Variants in KDM1B observed in about 807,000 individuals in gnomAD.
The protein encoded by KDM1B is lysine demethylase 1B.
KDM1B carries 63 observed loss-of-function variants against 107.4 expected under a neutral mutation model. The observed-to-expected ratio is 0.59, with a 90% CI of 0.48 to 0.72. The LOEUF (loss-of-function observed/expected upper bound fraction) is 0.72. Ranked by LOEUF, KDM1B falls within the 30% of genes least tolerant of loss-of-function variation. The probability of loss-of-function intolerance (pLI) is 0.00; values close to 1 mark genes in which losing one functional copy is unlikely to be tolerated. For missense variants in KDM1B, 749 were observed against 1,020.8 expected, an observed-to-expected ratio of 0.73 and a Z score of 3.63; for synonymous variants, 363 against 363.9, an observed-to-expected ratio of 1.00 and a Z score of 0.03.
In KDM1B at chr6:18,217,901, C is replaced by G; in HGVS notation, c.2385+16C>G. 1 of 1,600,862 alleles carries G rather than the reference C, an allele frequency of 6.2e-7. No homozygotes were observed. Among genetic ancestry groups the G allele is most frequent in the South Asian group, 1.1e-5 (1 of 89,196 alleles). The stretch of plus-strand genomic sequence containing the variant: ...CGCTGGTGAGGTATGGATCTTGATT[C>G]CAAACCCAATTATTTGTATTTTGAT... On this transcript the variant is annotated intron_variant, in intron 21 of 21. Transcript: ENST00000650836.
Position 18,197,192 on chromosome 6 carries a change from G to A in KDM1B, c.1105G>A (p.Val369Met), listed in dbSNP as rs750152791. The A allele has an allele frequency of 1.1e-5, 18 of 1,614,022 alleles. No homozygotes were observed. The highest frequency in any genetic ancestry group is 2.7e-5 in the African/African-American group (2 of 74,926). ...TCTCATCAACACTGGAGTTCTCAGC[G>A]TGGGAGCCGACCAGTATCTTCTCCC... The part of the protein sequence containing the change: ...KGLINTGVLS[V>M]GADQYLLPKD... The change falls in exon 11 of 22, where the codon GTG becomes ATG. Residue 369 changes from valine (V) to methionine (M), a missense_variant. Physicochemically the swap from Val to Met is conservative, Grantham distance 21 (BLOSUM62 1). Transcript: ENST00000650836. The surrounding 1 kb of genome is among the most constrained non-coding windows in gnomAD (Gnocchi z 4.5).
At position 18,207,497 on chromosome 6, in the gene KDM1B, G is replaced by A; in HGVS notation, c.1759G>A (p.Ala587Thr). The change falls in exon 16 of 22, where the codon GCA (alanine) becomes ACA (threonine). Residue 587 changes from alanine to threonine, a missense_variant. Physicochemically the swap from Ala to Thr is moderately conservative, Grantham distance 58. Coordinates refer to ENST00000650836, the MANE Select transcript of KDM1B (RefSeq NM_001364614.2). ...GTACTCGGTGATAATTGAAAAACTG[G>A]CAGAAGGGCTTGACATTCAACTCAA... Reference protein sequence around the residue: ...PGYSVIIEKLAEGLDIQLKSP... With the variant: ...PGYSVIIEKLTEGLDIQLKSP... The A allele has an allele frequency of 6.2e-7, 1 of 1,614,220 alleles. No individual in the cohort carries two copies. Among genetic ancestry groups the A allele is most frequent in the Non-Finnish European group, 8.5e-7 (1 of 1,180,038 alleles).
At chr6:18,158,037 T>C (rs1229350590) in intron 2 of KDM1B, among the ~76,000 whole-genome samples, 6 of 151,984 alleles carry the variant, frequency 3.9e-5, no homozygotes, top group Non-Finnish European at 8.8e-5. Context: ...ATGGTCTCGA[T>C]CTCCTGATGT....
intron 7 of KDM1B, among the ~76,000 whole-genome samples, chr6:18,180,740 A>AT (rs1786405465): frequency 6.6e-6 from 1 of 152,068 alleles, no homozygotes; most frequent in Non-Finnish European, 1.5e-5. Context: ...TAATTTGTGT[A>AT]TTTTTAGTAG....
chr6:18,201,997 G>A lies in KDM1B; in HGVS notation c.1531+340G>A, dbSNP rs1006064228. Among the ~76,000 whole-genome samples, 2 of 152,144 alleles carry A rather than the reference G, an allele frequency of 1.3e-5. No individual in the cohort carries two copies. Among genetic ancestry groups the A allele is most frequent in the African/African-American group, 2.4e-5 (1 of 41,418 alleles). On this transcript the variant is annotated intron_variant, in intron 14 of 21. Transcript: ENST00000650836. This position sits in a 1 kb window ranked among gnomAD's most constrained non-coding sequence, Gnocchi z 4.3. ...GCCCTGTGTGATAAATCATCACCCT[G>A]TAATGTCTTTTCTAGGTAAGGGTTT...
rs191013936 is a variant in KDM1B, at chr6:18,218,773, T to G, written c.2385+888T>G. On this transcript the variant is annotated intron_variant, in intron 21 of 21. Transcript: ENST00000650836. ...TGAGCTGGCCAGCTAGCTCCAGTCC[T>G]TGAAATGTCCCCTTCCTGAGTCCTC... is the stretch of plus-strand genomic sequence containing the variant. Among the ~76,000 whole-genome samples the G allele has an allele frequency of 2.7e-3, 416 of 152,312 alleles. 9 individuals carry two copies. Among genetic ancestry groups the G allele is most frequent in the Admixed American group, 0.024 (360 of 15,302 alleles).
chr6:18,168,469 C>T (rs548208657), intron 6 of KDM1B, among the ~76,000 whole-genome samples: 2 of 152,102 alleles, frequency 1.3e-5, no homozygotes. Flanking sequence ...GAATAATACT[C>T]CATTGAATGG....
chr6:18,189,140 A>G (rs1787103022), intron 9 of KDM1B, among the ~76,000 whole-genome samples: 1 of 152,158 alleles, frequency 6.6e-6, no homozygotes, highest in Non-Finnish European at 1.5e-5. Flanking sequence ...TTGGTGTAAG[A>G]AGCAAGAATT....
At chr6:18,202,578 C>T (rs1788109637) in intron 14 of KDM1B, among the ~76,000 whole-genome samples, 1 of 152,070 alleles carries the variant, frequency 6.6e-6, no homozygotes, top group South Asian at 2.1e-4. Flanking sequence ...AATTTTGTGA[C>T]CTGAATGTAT....
At position 18,211,692 on chromosome 6, in the gene KDM1B, A is replaced by G. The variant is rs1482889826; in HGVS notation, c.1867-796A>G. On this transcript the variant is annotated intron_variant, in intron 17 of 21. Coordinates refer to ENST00000650836, the MANE Select transcript of KDM1B (RefSeq NM_001364614.2). This position sits in a 1 kb window ranked among gnomAD's most constrained non-coding sequence, Gnocchi z 5.2. ...ACGATAATGGGGTCTGGAGCCAGAA[A>G]TGTCCAATTCCCAATGTTTGTGATG... 6.6e-6 allele frequency: 1 copy of G among 152,254 alleles called. No individual in the cohort carries two copies. Among genetic ancestry groups the G allele is most frequent in the African/African-American group, 2.4e-5 (1 of 41,452 alleles). The allele number at this position is 152,254 out of a possible 1,614,324, so 9.4% of individuals were successfully genotyped here. A position where few individuals can be genotyped will look rare whatever the true frequency, so the allele number is the denominator to read the frequency against.
intron 7 of KDM1B, among the ~76,000 whole-genome samples, chr6:18,180,038 ATT>A (rs111745055): frequency 0.023 from 2,747 of 121,814 alleles, 89 homozygotes; most frequent in African/African-American, 0.076. Flanking sequence ...TAATTTTTGT[ATT>A]TTTTTTTTTT....
rs575455793 is a variant in KDM1B at position 18,166,926 on chromosome 6, C to T, written c.417+548C>T. On this transcript the variant is annotated intron_variant, in intron 6 of 21. Transcript: ENST00000650836. ...CCAGCTGGTGATAGTCATTGCTGAGCTTGGTACATAGCTTTTTGATCCTTT... is the reference window on the plus strand; with the variant it reads ...CCAGCTGGTGATAGTCATTGCTGAGTTTGGTACATAGCTTTTTGATCCTTT... Among the ~76,000 whole-genome samples, 3 of 151,898 alleles carry T rather than the reference C, an allele frequency of 2.0e-5. No homozygotes were observed. In the East Asian group the frequency reaches 5.8e-4, roughly 29 times the overall value.
rs533016543 is a variant in KDM1B at position 18,210,342 on chromosome 6, C to CTTTTTTTTTTTTT, written c.1867-2128_1867-2116dup. On this transcript the variant is annotated intron_variant, in intron 17 of 21. Coordinates refer to ENST00000650836, the MANE Select transcript of KDM1B (RefSeq NM_001364614.2). ...TCTTTCTTTTTTTTCTCTTTCTTTT[C>CTTTTTTTTTTTTT]TTTTTTTTTTTTTTTTTTTTTTTTT... 9.1e-3 allele frequency among the ~76,000 whole-genome samples: 636 copies of CTTTTTTTTTTTTT among 69,676 alleles called. 31 individuals carry two copies. Among genetic ancestry groups the CTTTTTTTTTTTTT allele is most frequent in the Non-Finnish European group, 0.013 (430 of 33,776 alleles). The allele number at this position is 69,676 out of a possible 152,430, so 45.7% of individuals were successfully genotyped here.
chr6:18,208,998 A>G (rs1216807828), intron 17 of KDM1B, among the ~76,000 whole-genome samples: 3 of 152,026 alleles, frequency 2.0e-5, no homozygotes, highest in Non-Finnish European at 4.4e-5. Flanking sequence ...TGCATTAAAG[A>G]AATCTATTTT....
intron 10 of KDM1B, among the ~76,000 whole-genome samples, chr6:18,194,935 G>C (rs955797259): frequency 6.6e-6 from 1 of 152,138 alleles, no homozygotes; most frequent in Admixed American, 6.5e-5. Flanking sequence ...CAATTAAACA[G>C]TCTCTTCTCA....
At chr6:18,175,549 C>G (rs1189001682) in intron 7 of KDM1B, among the ~76,000 whole-genome samples, 1 of 152,082 alleles carries the variant, frequency 6.6e-6, no homozygotes, top group Non-Finnish European at 1.5e-5. Context: ...AAATCCTTGC[C>G]TAAGCAAGTG....
intron 21 of KDM1B, among the ~76,000 whole-genome samples, chr6:18,220,344 T>C (rs1471339546): frequency 6.6e-6 from 1 of 151,952 alleles, no homozygotes; most frequent in East Asian, 1.9e-4. Flanking sequence ...AGGCCAGGAG[T>C]TTGAGACCAG....
rs565190132 is a variant in KDM1B, at chr6:18,203,692, A to G, written c.1532-1845A>G. Among the ~76,000 whole-genome samples, 9 of 152,186 alleles carry G rather than the reference A, an allele frequency of 5.9e-5. No individual in the cohort carries two copies. The highest frequency in any genetic ancestry group is 1.4e-4 in the African/African-American group (6 of 41,526). On this transcript the variant is annotated intron_variant, in intron 14 of 21. Transcript: ENST00000650836. The surrounding 1 kb of genome is among the most constrained non-coding windows in gnomAD (Gnocchi z 5.5). ...ACATGGTGAAACCCTGTCTCTACTA[A>G]TAATACAAAAATTAGTCGAGCATGG...
At position 18,200,371 on chromosome 6, in the gene KDM1B, T is replaced by G; in HGVS notation, c.1222-68T>G. On this transcript the variant is annotated intron_variant, in intron 12 of 21. Coordinates refer to ENST00000650836, the MANE Select transcript of KDM1B (RefSeq NM_001364614.2). The surrounding 1 kb of genome is among the most constrained non-coding windows in gnomAD (Gnocchi z 4.3). ...GCTATTTAACAGTGTCCTTCTACAT[T>G]TTTATAATACTGTGTCTGATATAAC... The G allele has an allele frequency of 6.9e-7, 1 of 1,457,592 alleles. No homozygotes were observed. The highest frequency in any genetic ancestry group is 1.3e-5 in the South Asian group (1 of 75,378). The allele number at this position is 1,457,592 out of a possible 1,614,324, so 90.3% of individuals were successfully genotyped here. A position where few individuals can be genotyped will look rare whatever the true frequency, so the allele number is the denominator to read the frequency against.
Sources: gnomAD v4.1 joint callset for allele counts (sites outside exome capture counted in the v4.1 genomes callset) on GRCh38, gnomAD v4.1.1 for gene constraint, Gnocchi (gnomAD v3.1) non-coding constraint, MANE v1.5 for transcripts, NCBI Gene and HGNC (gene_info 2026-07-23, HGNC 2026-07-21) for gene names.